Variants in SPTBN1 observed in about 807,000 individuals in gnomAD.
The protein encoded by SPTBN1 is spectrin beta chain, non-erythrocytic 1.
In SPTBN1, 32 loss-of-function variants were observed where a neutral mutation model predicts 266.4. The observed-to-expected ratio is 0.12, with a 90% CI of 0.09 to 0.16. The LOEUF is 0.16. SPTBN1 is among the 10% of genes least tolerant of loss of function. SPTBN1 has a pLI of 1.00. For synonymous variants in SPTBN1, 1,336 were observed against 1,162.2 expected (o/e 1.15, Z -3.04); for missense variants, 2,296 against 3,067.1 (o/e 0.75, Z 5.94).
chr2:54,494,234 A>C (rs1397104197), intron 1 of SPTBN1, among the ~76,000 whole-genome samples: 1 of 152,226 alleles, frequency 6.6e-6, no homozygotes, highest in Admixed American at 6.5e-5. Flanking sequence ...GTGACTCATC[A>C]TCCCTTTTAA....
At position 54,640,406 on chromosome 2, in the gene SPTBN1, C is replaced by T. The variant is rs1178367819; in HGVS notation, c.3859-2577C>T. On this transcript the variant is annotated intron_variant, in intron 18 of 35. Transcript: ENST00000356805. ...TGTAAGATCCGCCCCTGTTACCACC[C>T]CCATAAACACCACCTAGATGAGGAC... 2.0e-5 allele frequency among the ~76,000 whole-genome samples: 3 copies of T among 152,084 alleles called. No individual in the cohort carries two copies. The South Asian group carries it at 6.2e-4, about 32-fold the overall frequency.
chr2:54,649,572 T>C lies in SPTBN1; in HGVS notation c.5203-43T>C. 1 of 1,589,282 alleles carries C rather than the reference T, an allele frequency of 6.3e-7. No individual in the cohort carries two copies. The highest frequency in any genetic ancestry group is 1.7e-5 in the Admixed American group (1 of 58,938). On this transcript the variant is annotated intron_variant, in intron 25 of 35. Transcript: ENST00000356805. This position sits in a 1 kb window ranked among gnomAD's most constrained non-coding sequence, Gnocchi z 6.7. ...ATTCATGTGATCAAGAAATACAGAG[T>C]TCACAGTGGGCTCTCTGATTTCCTT...
chr2:54,656,978 G>A (rs1680709729), intron 29 of SPTBN1, among the ~76,000 whole-genome samples: 1 of 152,170 alleles, frequency 6.6e-6, no homozygotes, highest in Non-Finnish European at 1.5e-5. Context: ...TAGTCATGTT[G>A]GGGGCTACCG....
At chr2:54,487,830 G>GTTTTTTTTTTTTTTTTTT (rs1558770807) in intron 1 of SPTBN1, among the ~76,000 whole-genome samples, 3 of 5,940 alleles carry the variant, frequency 5.1e-4, no homozygotes, top group African/African-American at 7.3e-4. Flanking sequence ...CTCCTCCTGT[G>GTTTTTTTTTTTTTTTTTT]TCTTTTTTTT....
chr2:54,483,993 G>C (rs1472434150), intron 1 of SPTBN1, among the ~76,000 whole-genome samples: 1 of 152,080 alleles, frequency 6.6e-6, no homozygotes, highest in Non-Finnish European at 1.5e-5. Context: ...CCAGGGGTTC[G>C]AGACCAGCCT....
intron 2 of SPTBN1, among the ~76,000 whole-genome samples, chr2:54,579,034 T>C (rs1267294827): frequency 6.6e-6 from 1 of 152,184 alleles, no homozygotes; most frequent in Non-Finnish European, 1.5e-5. Flanking sequence ...TATGAATGTA[T>C]TAGGCTGGTG....
intron 1 of SPTBN1, among the ~76,000 whole-genome samples, chr2:54,522,832 G>A (rs529782961): frequency 2.0e-5 from 3 of 152,262 alleles, no homozygotes; most frequent in East Asian, 1.9e-4. Flanking sequence ...AGTCAGGTGC[G>A]GTGGATGTTG....
chr2:54,492,236 C>CT (rs1668721634), intron 1 of SPTBN1, among the ~76,000 whole-genome samples: 1 of 151,416 alleles, frequency 6.6e-6, no homozygotes, highest in Non-Finnish European at 1.5e-5. Context: ...TGTATTCATG[C>CT]TAAAAAATTG....
At chr2:54,467,220 C>G (rs56039013) in intron 1 of SPTBN1, among the ~76,000 whole-genome samples, 5,285 of 145,604 alleles carry the variant, frequency 0.036, 257 homozygotes, top group East Asian at 0.13. Context: ...AAGTCTTGGG[C>G]TGGGATAGGG....
intron 2 of SPTBN1, chr2:54,528,655 A>G (rs769300806): frequency 6.6e-6 from 1 of 152,086 alleles, no homozygotes; most frequent in Non-Finnish European, 1.5e-5. Flanking sequence ...GGCTGAAGGC[A>G]TACTAACTCT....
rs569221785 is a variant in SPTBN1, at chr2:54,617,257, G to C, written c.567-351G>C. Among the ~76,000 whole-genome samples, 7 of 152,328 alleles carry C rather than the reference G, an allele frequency of 4.6e-5. No homozygotes were observed. In the East Asian group the frequency reaches 1.3e-3, roughly 29 times the overall value. ...GTGTGACAAGGGACTGCAGGTCCTG[G>C]TGTCTTTGTAGGTAGAGTAGAAAGC... On this transcript the variant is annotated intron_variant, in intron 5 of 35. Coordinates refer to ENST00000356805, the MANE Select transcript of SPTBN1 (RefSeq NM_003128.3).
rs1352098743 is a variant in SPTBN1 at position 54,519,560 on chromosome 2, G to C, written c.-47-6812G>C. 3.3e-5 allele frequency among the ~76,000 whole-genome samples: 5 copies of C among 152,150 alleles called. 1 individual carries two copies. Among genetic ancestry groups the C allele is most frequent in the Non-Finnish European group, 7.3e-5 (5 of 68,032 alleles). ...GATTCTTCTCTCTCAGGAGTTGCAA[G>C]AGCTTAGGACATGGATAGTGGGACC... On this transcript the variant is annotated intron_variant, in intron 1 of 35. Transcript: ENST00000356805.
At chr2:54,641,732 G>GA (rs1679579090) in intron 18 of SPTBN1, among the ~76,000 whole-genome samples, 1 of 135,432 alleles carries the variant, frequency 7.4e-6, no homozygotes, top group Admixed American at 8.1e-5. Flanking sequence ...CAGTGCCCAA[G>GA]AGTTCACCCA....
chr2:54,471,645 G>C (rs1028347127), intron 1 of SPTBN1, among the ~76,000 whole-genome samples: 1 of 152,156 alleles, frequency 6.6e-6, no homozygotes, highest in Non-Finnish European at 1.5e-5. Flanking sequence ...GAACTGCCAA[G>C]AGGTTGGGAG....
intron 2 of SPTBN1, among the ~76,000 whole-genome samples, chr2:54,539,658 G>GCCT (rs1252015732): frequency 6.6e-6 from 1 of 152,100 alleles, no homozygotes; most frequent in Non-Finnish European, 1.5e-5. Context: ...TCCCACCTCA[G>GCCT]CCTCATAAGT....
chr2:54,500,691 T>C (rs923246546), intron 1 of SPTBN1, among the ~76,000 whole-genome samples: 1 of 152,114 alleles, frequency 6.6e-6, no homozygotes, highest in Non-Finnish European at 1.5e-5. Flanking sequence ...GGACTACAGA[T>C]GCATGCCACC....
chr2:54,591,127 A>G (rs1440273495), intron 2 of SPTBN1, among the ~76,000 whole-genome samples: 2 of 152,190 alleles, frequency 1.3e-5, no homozygotes, highest in Non-Finnish European at 2.9e-5. Flanking sequence ...TTTATTTTGT[A>G]TCCCCAGCTA....
At chr2:54,486,488 A>G (rs564407173) in intron 1 of SPTBN1, among the ~76,000 whole-genome samples, 2 of 152,174 alleles carry the variant, frequency 1.3e-5, no homozygotes, top group Non-Finnish European at 2.9e-5. Context: ...AGGGCGGTGC[A>G]AGATGTGCTT....
intron 1 of SPTBN1, among the ~76,000 whole-genome samples, chr2:54,472,484 T>C (rs1693979718): frequency 6.6e-6 from 1 of 152,218 alleles, no homozygotes; most frequent in East Asian, 1.9e-4. Flanking sequence ...TTTAGACTTC[T>C]TAGTAAGCTC....
Sources: allele counts gnomAD v4.1 joint callset (sites outside exome capture counted in the v4.1 genomes callset), GRCh38; gene constraint gnomAD v4.1.1; non-coding constraint Gnocchi (gnomAD v3.1); transcripts MANE v1.5; gene names NCBI Gene and HGNC (gene_info 2026-07-23, HGNC 2026-07-21).